DCAF5: variants seen among roughly 807,000 people sequenced by gnomAD.
DCAF5 encodes the protein DDB1- and CUL4-associated factor 5.
A neutral mutation model predicts 80.7 loss-of-function variants in DCAF5; 9 were observed. The observed-to-expected ratio is 0.11, with a 90% CI of 0.07 to 0.19. The LOEUF is 0.19. Ranked by LOEUF, DCAF5 falls within the 10% of genes least tolerant of loss-of-function variation. The pLI is 1.00. For synonymous variants in DCAF5, 433 were observed against 461.9 expected, an observed-to-expected ratio of 0.94 and a Z score of 0.80; for missense variants, 842 against 1,205.7, an observed-to-expected ratio of 0.70 and a Z score of 4.47.
chr14:69,058,251 G>A (rs918216752), intron 8 of DCAF5, among the ~76,000 whole-genome samples: 42 of 152,246 alleles, frequency 2.8e-4, no homozygotes, highest in African/African-American at 9.6e-4. Context: ...GGGCGTGGTG[G>A]CTCAAGCCTG....
At chr14:69,111,437 T>C (rs1382673257) in intron 5 of DCAF5, among the ~76,000 whole-genome samples, 1 of 152,148 alleles carries the variant, frequency 6.6e-6, no homozygotes, top group Non-Finnish European at 1.5e-5. Flanking sequence ...AGTTTTATTA[T>C]TGAGTGGGGA....
At chr14:69,109,936 A>G (rs974777992) in intron 5 of DCAF5, among the ~76,000 whole-genome samples, 1 of 152,306 alleles carries the variant, frequency 6.6e-6, no homozygotes, top group Non-Finnish European at 1.5e-5. Flanking sequence ...TACTCACCTA[A>G]AATGTATGAG....
chr14:69,136,721 G>T lies in DCAF5; in HGVS notation c.215-14361C>A, dbSNP rs559522076. Among the ~76,000 whole-genome samples the T allele has an allele frequency of 3.9e-5, 6 of 152,258 alleles. No individual in the cohort carries two copies. The South Asian group carries it at 1.2e-3, about 32-fold the overall frequency. ...CATTTTTGGTTGTCACAACTGGAAA[G>T]ATGCTAATGGCATACACTGGGTAGA... is the stretch of plus-strand genomic sequence containing the variant. On this transcript the variant is annotated intron_variant, in intron 1 of 8. Coordinates refer to ENST00000341516, the MANE Select transcript of DCAF5 (RefSeq NM_003861.3).
intron 1 of DCAF5, among the ~76,000 whole-genome samples, chr14:69,122,610 T>C (rs924940066): frequency 2.0e-5 from 3 of 152,184 alleles, no homozygotes; most frequent in Admixed American, 6.5e-5. Context: ...AGCACTGATA[T>C]TGAGACTCCT....
intron 7 of DCAF5, among the ~76,000 whole-genome samples, chr14:69,067,601 C>T (rs1464625146): frequency 1.3e-5 from 2 of 151,578 alleles, no homozygotes; most frequent in Non-Finnish European, 2.9e-5. Context: ...TGCCTTGGCC[C>T]CCGGAAGTGC....
chr14:69,133,279 C>G (rs150315177), intron 1 of DCAF5, among the ~76,000 whole-genome samples: 8 of 152,316 alleles, frequency 5.3e-5, no homozygotes, highest in Middle Eastern at 3.4e-3. Flanking sequence ...TACCATGATG[C>G]AATCCAGCCT....
intron 8 of DCAF5, among the ~76,000 whole-genome samples, chr14:69,056,294 G>C (rs1264171633): frequency 6.6e-6 from 1 of 152,110 alleles, no homozygotes; most frequent in East Asian, 1.9e-4. Flanking sequence ...TCCCCAACAA[G>C]TCTGTTAGCT....
At chr14:69,142,004 T>C (rs1480305403) in intron 1 of DCAF5, among the ~76,000 whole-genome samples, 2 of 152,194 alleles carry the variant, frequency 1.3e-5, no homozygotes, top group African/African-American at 2.4e-5. Context: ...ATAGAATTTC[T>C]GGTATTCTGG....
chr14:69,070,022 C>T (rs2038623149), intron 7 of DCAF5, among the ~76,000 whole-genome samples: 1 of 152,108 alleles, frequency 6.6e-6, no homozygotes, highest in Admixed American at 6.5e-5. Flanking sequence ...TGGTATTATC[C>T]TTATTTCACA....
chr14:69,138,129 TA>T (rs796201825), intron 1 of DCAF5, among the ~76,000 whole-genome samples: 1,480 of 142,494 alleles, frequency 0.01, 21 homozygotes, highest in African/African-American at 0.033. Flanking sequence ...GACACCTATT[TA>T]AAAAAAAAAA....
intron 5 of DCAF5, among the ~76,000 whole-genome samples, chr14:69,113,098 T>C (rs2877524): frequency 0.042 from 6,326 of 152,194 alleles, 426 homozygotes; most frequent in African/African-American, 0.15. Context: ...ACTCTCCTCC[T>C]ATACCTTCAG....
At chr14:69,137,839 ATAT>A (rs1566786835) in intron 1 of DCAF5, among the ~76,000 whole-genome samples, 1 of 151,832 alleles carries the variant, frequency 6.6e-6, no homozygotes, top group Non-Finnish European at 1.5e-5. Context: ...TTACAGTATA[ATAT>A]TATAATTGTT....
At chr14:69,143,178 TACATATAAAAGTGAAAA>T (rs1306484274) in intron 1 of DCAF5, among the ~76,000 whole-genome samples, 1 of 152,144 alleles carries the variant, frequency 6.6e-6, no homozygotes, top group African/African-American at 2.4e-5. Context: ...ATCCTCCACT[TACATATAAAAGTGAAAA>T]ACTGCAGATA....
chr14:69,067,422 C>T (rs941239146), intron 7 of DCAF5, among the ~76,000 whole-genome samples: 6 of 148,710 alleles, frequency 4.0e-5, no homozygotes, highest in African/African-American at 1.5e-4. Context: ...TAGCTCACTG[C>T]AACCCCCCGC....
chr14:69,128,000 T>C (rs1466373714), intron 1 of DCAF5, among the ~76,000 whole-genome samples: 1 of 152,114 alleles, frequency 6.6e-6, no homozygotes, highest in Non-Finnish European at 1.5e-5. Context: ...ATTATGGTTA[T>C]GTTAAAAAAG....
intron 8 of DCAF5, 128 bp downstream of exon 8, chr14:69,062,256 T>G: frequency 9.5e-7 from 1 of 1,048,078 alleles, no homozygotes; most frequent in Non-Finnish European, 1.3e-6. Flanking sequence ...TGTAATATGT[T>G]AAAATCTGAG....
intron 3 of DCAF5, 27 bp downstream of exon 3, chr14:69,119,167 A>G (rs762964380): frequency 6.2e-7 from 1 of 1,604,942 alleles, no homozygotes; most frequent in South Asian, 1.1e-5. Context: ...AAAGTCAATC[A>G]CCTTCACACA....
rs990096707 is a variant in DCAF5 at position 69,092,575 on chromosome 14, G to A, written c.666-688C>T. On this transcript the variant is annotated intron_variant, in intron 5 of 8. Transcript: ENST00000341516. ...TGAAGCTGCAGTGAGCCATGGTCAC[G>A]CCACTGCACTCCAGCCTGGGTGAGA... Among the ~76,000 whole-genome samples, 26 of 152,268 alleles carry A rather than the reference G, an allele frequency of 1.7e-4. 2 individuals are homozygous for A. The highest frequency in any genetic ancestry group is 1.4e-3 in the Admixed American group (22 of 15,296).
Position 69,052,614 on chromosome 14 carries a change from A to G in DCAF5, c.*1243T>C, listed in dbSNP as rs1462175177. 1 of 152,438 alleles carries G rather than the reference A, an allele frequency of 6.6e-6. No individual in the cohort carries two copies. Among genetic ancestry groups the G allele is most frequent in the Non-Finnish European group, 1.5e-5 (1 of 68,022 alleles). 9.4% of individuals were successfully genotyped at this position (152,438 alleles called of 1,614,324 possible). The stretch of plus-strand genomic sequence containing the variant: ...CTCTTCTAAACCTGTATCTACCTCA[A>G]TAAAACTGAGTCTTTTATGGGAACC... On this transcript the variant is annotated 3_prime_UTR_variant, in exon 9 of 9. Transcript: ENST00000341516.
Sources: allele counts gnomAD v4.1 joint callset (sites outside exome capture counted in the v4.1 genomes callset), GRCh38; gene constraint gnomAD v4.1.1; transcripts MANE v1.5; gene names NCBI Gene and HGNC (gene_info 2026-07-23, HGNC 2026-07-21).